The following SRGN variants were observed in gnomAD, a reference collection of about 807,000 sequenced individuals.
SRGN encodes hematopoetic proteoglycan core peptide.
In SRGN, 2 loss-of-function variants were observed where a neutral mutation model predicts 9.5. The observed-to-expected ratio is 0.21, with a 90% CI of 0.09 to 0.66. SRGN has a LOEUF of 0.66. SRGN is among the 30% of genes least tolerant of loss of function. SRGN has a pLI of 0.83. For synonymous variants in SRGN, 59 were observed against 72.3 expected, an observed-to-expected ratio of 0.82 and a Z score of 0.93; for missense variants, 170 against 192.4, an observed-to-expected ratio of 0.88 and a Z score of 0.69.
At chr10:69,102,632 G>A (rs998672313) in intron 2 of SRGN, among the ~76,000 whole-genome samples, 8 of 152,090 alleles carry the variant, frequency 5.3e-5, no homozygotes, top group Non-Finnish European at 2.9e-5. Flanking sequence ...TTCTGTCACC[G>A]AGGGCTGTCG....
intron 2 of SRGN, among the ~76,000 whole-genome samples, chr10:69,103,597 T>C (rs190380414): frequency 1.3e-5 from 2 of 152,128 alleles, no homozygotes; most frequent in Non-Finnish European, 2.9e-5. Flanking sequence ...AGAATGTATA[T>C]GCTAGTGATA....
intron 2 of SRGN, among the ~76,000 whole-genome samples, chr10:69,100,888 C>T (rs925250197): frequency 1.3e-5 from 2 of 152,146 alleles, no homozygotes; most frequent in Admixed American, 6.6e-5. Context: ...CCTCAGCTCC[C>T]ACCAGATGCC....
chr10:69,097,354 G>C, intron 2 of SRGN, 123 bp downstream of exon 2: 1 of 700,310 alleles, frequency 1.4e-6, no homozygotes, highest in Non-Finnish European at 2.3e-6. Flanking sequence ...TCCGCCTCCT[G>C]GGTTCAAGCG....
chr10:69,097,519 T>A (rs377654186), intron 2 of SRGN, among the ~76,000 whole-genome samples: 2 of 147,410 alleles, frequency 1.4e-5, no homozygotes, highest in Non-Finnish European at 1.5e-5. Flanking sequence ...CTCCACCTCC[T>A]GGGTTCACGC....
chr10:69,103,850 C>T, intron 2 of SRGN, 21 bp from the exon 3 acceptor site: 3 of 1,603,624 alleles, frequency 1.9e-6, no homozygotes, highest in Non-Finnish European at 1.7e-6. Flanking sequence ...GTTTTTTTCC[C>T]ATTTTTCTTT....
chr10:69,097,781 C>T (rs1840209237), intron 2 of SRGN, among the ~76,000 whole-genome samples: 1 of 152,154 alleles, frequency 6.6e-6, no homozygotes, highest in Non-Finnish European at 1.5e-5. Context: ...CCAGGCTGGT[C>T]TCAAACTCCT....
intron 1 of SRGN, among the ~76,000 whole-genome samples, chr10:69,091,468 A>G (rs1840050132): frequency 6.6e-6 from 1 of 152,200 alleles, no homozygotes; most frequent in African/African-American, 2.4e-5. Context: ...ACCAGGAGGA[A>G]GTAACTCCGG....
At chr10:69,099,869 G>A (rs1405534938) in intron 2 of SRGN, among the ~76,000 whole-genome samples, 1 of 152,178 alleles carries the variant, frequency 6.6e-6, no homozygotes, top group Non-Finnish European at 1.5e-5. Context: ...AGACTGAGGT[G>A]GGAGAATCAC....
At chr10:69,103,726 T>C (rs1441129878) in intron 2 of SRGN, 145 bp from the exon 3 acceptor site, 6 of 916,888 alleles carry the variant, frequency 6.5e-6, no homozygotes, top group Non-Finnish European at 9.5e-6. Context: ...TTTAAAACAT[T>C]GAATAATTGG....
chr10:69,088,578 T>C (rs1407259511), intron 1 of SRGN, among the ~76,000 whole-genome samples: 2 of 152,194 alleles, frequency 1.3e-5, no homozygotes, highest in African/African-American at 4.8e-5. Context: ...CCTTTGACTG[T>C]TGGGGGGTGT....
intron 1 of SRGN, among the ~76,000 whole-genome samples, chr10:69,089,988 T>C (rs1451772729): frequency 6.6e-6 from 1 of 152,132 alleles, no homozygotes; most frequent in East Asian, 1.9e-4. Flanking sequence ...AATACTAGCA[T>C]TTATGTCATG....
chr10:69,099,315 T>TG (rs1840242329), intron 2 of SRGN, among the ~76,000 whole-genome samples: 2 of 150,710 alleles, frequency 1.3e-5, no homozygotes, highest in Admixed American at 6.6e-5. Context: ...TTTTGTTTTT[T>TG]TTTTTTTTTG....
intron 2 of SRGN, among the ~76,000 whole-genome samples, chr10:69,098,965 A>G (rs1282907647): frequency 1.3e-5 from 2 of 150,480 alleles, no homozygotes; most frequent in Non-Finnish European, 3.0e-5. Context: ...TCAAAAAAAG[A>G]AAAAAAAAAT....
intron 2 of SRGN, 28 bp downstream of exon 2, chr10:69,097,259 A>C (rs1564660852): frequency 6.3e-7 from 1 of 1,575,258 alleles, no homozygotes; most frequent in East Asian, 2.3e-5. Flanking sequence ...TAATTAATTA[A>C]TTAATTACTT....
chr10:69,102,551 A>T (rs1036874358), intron 2 of SRGN, among the ~76,000 whole-genome samples: 11 of 152,184 alleles, frequency 7.2e-5, no homozygotes, highest in Admixed American at 3.9e-4. Context: ...CTGGTGGTTT[A>T]TTATTTTCAT....
At chr10:69,095,619 C>T (rs542059907) in intron 1 of SRGN, among the ~76,000 whole-genome samples, 49 of 152,136 alleles carry the variant, frequency 3.2e-4, no homozygotes, top group African/African-American at 1.1e-3. Flanking sequence ...AACAAAGAAC[C>T]TCCTATATAG....
chr10:69,087,955 T>C (rs1437223840), upstream of SRGN, among the ~76,000 whole-genome samples: 2 of 152,168 alleles, frequency 1.3e-5, no homozygotes, highest in African/African-American at 4.8e-5. Context: ...TGGGTATGAA[T>C]AGTTATTTTA....
Position 69,094,687 on chromosome 10 carries a change from C to T in SRGN, c.80-2397C>T, listed in dbSNP as rs566063841. ...TTGGCTCACTGTGACCTCCCAGTCT[C>T]AAGCAATCTTCCTGCCTCAGCCTCC... On this transcript the variant is annotated intron_variant, in intron 1 of 2. Coordinates refer to ENST00000242465, the MANE Select transcript of SRGN (RefSeq NM_002727.4). Among the ~76,000 whole-genome samples, 7 of 152,256 alleles carry T rather than the reference C, an allele frequency of 4.6e-5. No individual in the cohort carries two copies. The East Asian group carries it at 1.4e-3, about 29-fold the overall frequency.
chr10:69,101,827 A>G (rs1840298091), intron 2 of SRGN, among the ~76,000 whole-genome samples: 1 of 152,172 alleles, frequency 6.6e-6, no homozygotes, highest in Non-Finnish European at 1.5e-5. Flanking sequence ...CAGGAGGATC[A>G]CTTGAGCCCA....
Sources: allele counts gnomAD v4.1 joint callset (sites outside exome capture counted in the v4.1 genomes callset), GRCh38; gene constraint gnomAD v4.1.1; transcripts MANE v1.5; gene names NCBI Gene and HGNC (gene_info 2026-07-23, HGNC 2026-07-21).